The following GLI3 variants were observed in gnomAD, a reference collection of about 807,000 sequenced individuals.
The protein encoded by GLI3 is transcription activator GLI3.
GLI3 carries 20 observed loss-of-function variants against 100.8 expected under a neutral mutation model. That is an observed-to-expected ratio of 0.20 (90% CI 0.14 to 0.29). The LOEUF is 0.29. Ranked by LOEUF, GLI3 falls within the 10% of genes least tolerant of loss-of-function variation. The pLI is 1.00. For missense variants in GLI3, 2,040 were observed against 2,128.5 expected, an observed-to-expected ratio of 0.96 and a Z score of 0.82; for synonymous variants, 938 against 860.5, an observed-to-expected ratio of 1.09 and a Z score of -1.58.
intron 3 of GLI3, among the ~76,000 whole-genome samples, chr7:42,117,123 T>C (rs1562739298): frequency 6.6e-6 from 1 of 152,228 alleles, no homozygotes; most frequent in Non-Finnish European, 1.5e-5. Context: ...TTCTAACTTT[T>C]GGTGTTGGCT....
intron 3 of GLI3, among the ~76,000 whole-genome samples, chr7:42,108,141 T>A (rs539797717): frequency 1.3e-5 from 2 of 152,282 alleles, no homozygotes; most frequent in Admixed American, 6.5e-5. Flanking sequence ...AAGTGAAAAC[T>A]TGAGCAAATC....
At chr7:42,243,957 C>T (rs929828066) in intron 1 of GLI3, among the ~76,000 whole-genome samples, 1 of 152,132 alleles carries the variant, frequency 6.6e-6, no homozygotes, top group Non-Finnish European at 1.5e-5. Flanking sequence ...CCTCAGCCTC[C>T]CGAGTAGCTG....
At chr7:42,124,238 T>C (rs1277587109) in intron 3 of GLI3, among the ~76,000 whole-genome samples, 1 of 152,256 alleles carries the variant, frequency 6.6e-6, no homozygotes, top group Non-Finnish European at 1.5e-5. Flanking sequence ...ATCTGTAGAA[T>C]GTCAGGTGGC....
At chr7:42,143,270 G>T (rs566566008) in intron 3 of GLI3, among the ~76,000 whole-genome samples, 1 of 152,222 alleles carries the variant, frequency 6.6e-6, no homozygotes, top group African/African-American at 2.4e-5. Flanking sequence ...AAGCATTTCT[G>T]ATTGGCTCAT....
At chr7:42,209,382 A>G (rs1788218423) in intron 2 of GLI3, among the ~76,000 whole-genome samples, 1 of 152,216 alleles carries the variant, frequency 6.6e-6, no homozygotes, top group Non-Finnish European at 1.5e-5. Flanking sequence ...ACAATGTGAT[A>G]GTACATTTTG....
In GLI3 at chr7:41,961,336, G is replaced by A. The variant is rs898028580; in HGVS notation, c.*2994C>T. The A allele has an allele frequency of 9.8e-5, 15 of 152,554 alleles. No homozygotes were observed. Among genetic ancestry groups the A allele is most frequent in the African/African-American group, 3.6e-4 (15 of 41,514 alleles). The allele number at this position is 152,554 out of a possible 1,614,324, so 9.5% of individuals were successfully genotyped here. On this transcript the variant is annotated 3_prime_UTR_variant, in exon 15 of 15. Transcript: ENST00000395925. ...CAGTTCAAAACAACACATGAAACCA[G>A]GATACAAGACAGCCTCGACTCTGCT... is the stretch of plus-strand genomic sequence containing the variant.
intron 3 of GLI3, among the ~76,000 whole-genome samples, chr7:42,132,341 C>A (rs1786309845): frequency 6.6e-6 from 1 of 152,046 alleles, no homozygotes; most frequent in Admixed American, 6.5e-5. Context: ...ACCTCCTGAT[C>A]CGCCCGCCTT....
In GLI3 at chr7:41,963,614, C is replaced by T. The variant is rs1229502932; in HGVS notation, c.*716G>A. 4 of 152,342 alleles carry T rather than the reference C, an allele frequency of 2.6e-5. 1 individual carries two copies. Among genetic ancestry groups the T allele is most frequent in the African/African-American group, 9.6e-5 (4 of 41,556 alleles). 9.4% of individuals were successfully genotyped at this position (152,342 alleles called of 1,614,324 possible). A position where few individuals can be genotyped will look rare whatever the true frequency, so the allele number is the denominator to read the frequency against. ...TCGACCATACAGACATAGCCTCCCC[C>T]AAAGCACACTTACAGACATGAAGAG... On this transcript the variant is annotated 3_prime_UTR_variant, in exon 15 of 15. Coordinates refer to ENST00000395925, the MANE Select transcript of GLI3 (RefSeq NM_000168.6).
chr7:42,041,858 C>T (rs907714892), intron 6 of GLI3, among the ~76,000 whole-genome samples: 4 of 152,132 alleles, frequency 2.6e-5, no homozygotes, highest in African/African-American at 4.8e-5. Flanking sequence ...GTGCCATCCA[C>T]GTATAAAACT....
chr7:42,032,714 T>C (rs1391626678), intron 7 of GLI3, among the ~76,000 whole-genome samples: 1 of 152,150 alleles, frequency 6.6e-6, no homozygotes, highest in Non-Finnish European at 1.5e-5. Flanking sequence ...CCCTTTAAAT[T>C]GGAATGGTAA....
chr7:42,140,260 C>T (rs894219785), intron 3 of GLI3, among the ~76,000 whole-genome samples: 4 of 152,214 alleles, frequency 2.6e-5, no homozygotes, highest in African/African-American at 4.8e-5. Flanking sequence ...TTTCGATGGC[C>T]TAAAGCTCAA....
intron 3 of GLI3, among the ~76,000 whole-genome samples, chr7:42,139,363 A>T (rs1786509854): frequency 6.6e-6 from 1 of 152,196 alleles, no homozygotes; most frequent in Non-Finnish European, 1.5e-5. Context: ...AGTAAAAATA[A>T]ATTGTGTTGT....
intron 2 of GLI3, among the ~76,000 whole-genome samples, chr7:42,220,098 C>T (rs1357502109): frequency 1.3e-5 from 2 of 152,144 alleles, no homozygotes; most frequent in South Asian, 2.1e-4. Flanking sequence ...GTGATCCGCC[C>T]GCCTCGGCCT....
chr7:42,069,603 A>G (rs1051953824), intron 4 of GLI3, among the ~76,000 whole-genome samples: 5 of 152,254 alleles, frequency 3.3e-5, no homozygotes, highest in African/African-American at 1.2e-4. Context: ...GCATAAAAGT[A>G]GAAAACATGA....
At chr7:41,974,054 G>A (rs767778299) in intron 12 of GLI3, among the ~76,000 whole-genome samples, 2 of 152,212 alleles carry the variant, frequency 1.3e-5, no homozygotes, top group Non-Finnish European at 2.9e-5. Context: ...GTGACAGGTT[G>A]TTCCATCAAC....
chr7:42,201,467 T>A (rs968059886), intron 2 of GLI3, among the ~76,000 whole-genome samples: 2 of 152,188 alleles, frequency 1.3e-5, no homozygotes, highest in African/African-American at 4.8e-5. Context: ...CAAATCATGA[T>A]ATAGAATAGC....
chr7:42,184,481 G>T (rs1245760546), intron 2 of GLI3, among the ~76,000 whole-genome samples: 2 of 152,148 alleles, frequency 1.3e-5, no homozygotes, highest in Non-Finnish European at 2.9e-5. Context: ...ACTAGAAGGC[G>T]GGCCTGCTCT....
At chr7:42,112,618 A>T (rs1785740348) in intron 3 of GLI3, among the ~76,000 whole-genome samples, 1 of 152,140 alleles carries the variant, frequency 6.6e-6, no homozygotes, top group Non-Finnish European at 1.5e-5. Flanking sequence ...TTCCCATAAC[A>T]ATTAACATTA....
intron 2 of GLI3, among the ~76,000 whole-genome samples, chr7:42,206,627 C>T (rs535464474): frequency 2.3e-4 from 35 of 151,994 alleles, no homozygotes; most frequent in African/African-American, 7.7e-4. Context: ...AAGAAAAAAT[C>T]GAATAGAAGC....
Sources: gnomAD v4.1 joint callset for allele counts (sites outside exome capture counted in the v4.1 genomes callset) on GRCh38, gnomAD v4.1.1 for gene constraint, MANE v1.5 for transcripts, NCBI Gene and HGNC (gene_info 2026-07-23, HGNC 2026-07-21) for gene names.